WDFY4: variants seen among roughly 807,000 people sequenced by gnomAD.
WDFY4 encodes the protein WD repeat- and FYVE domain-containing protein 4.
A neutral mutation model predicts 351.9 loss-of-function variants in WDFY4; 169 were observed. The ratio of observed to expected loss-of-function variants is 0.48; its 90% CI spans 0.42 to 0.55. The LOEUF is 0.55. Among genes scored for constraint, WDFY4 ranks in the 20% least tolerant of loss-of-function variants. WDFY4 has a pLI of 0.00. For synonymous variants in WDFY4, 1,622 were observed against 1,574.6 expected (o/e 1.03, Z -0.71); for missense variants, 3,803 against 3,935.6 (o/e 0.97, Z 0.90).
chr10:48,790,594 AG>A (rs2066645114), intron 22 of WDFY4, 132 bp from the exon 23 acceptor site: 2 of 978,398 alleles, frequency 2.0e-6, no homozygotes, highest in East Asian at 5.2e-5. Flanking sequence ...AGCCTGTCCC[AG>A]GTGCACAGGT....
chr10:48,804,910 G>A (rs971694761), intron 25 of WDFY4: 1 of 427,814 alleles, frequency 2.3e-6, no homozygotes, highest in Non-Finnish European at 3.1e-6. Context: ...ACTCCTGGCT[G>A]GTGGGAAGTA....
chr10:48,805,520 A>G, intron 26 of WDFY4, 99 bp downstream of exon 26: 2 of 1,428,926 alleles, frequency 1.4e-6, no homozygotes, highest in Non-Finnish European at 9.2e-7. Context: ...TCAACCCTGA[A>G]TCACTTGGAA....
chr10:48,772,550 T>C (rs976037666), intron 13 of WDFY4, among the ~76,000 whole-genome samples: 6 of 148,282 alleles, frequency 4.0e-5, no homozygotes, highest in African/African-American at 1.5e-4. Flanking sequence ...TTTCTTTTTT[T>C]TTTTTTTTAT....
intron 51 of WDFY4, among the ~76,000 whole-genome samples, chr10:48,955,767 T>C (rs1021451369): frequency 6.6e-6 from 1 of 152,146 alleles, no homozygotes; most frequent in Non-Finnish European, 1.5e-5. Context: ...CACCCACCCC[T>C]GCAGCTGCCC....
rs562698549 is a variant in WDFY4, at chr10:48,753,481, T to C, written c.2460-6866T>C. Among the ~76,000 whole-genome samples the C allele has an allele frequency of 1.3e-3, 201 of 152,354 alleles. 1 individual carries two copies. The highest frequency in any genetic ancestry group is 4.7e-3 in the African/African-American group (194 of 41,588). ...AAAGATTTACCACTGTGTTTTCTCC[T>C]AAAAATTTTGTTTTGGCTCTTATTG... On this transcript the variant is annotated intron_variant, in intron 12 of 61. Transcript: ENST00000325239.
chr10:48,696,249 G>A (rs1000157674), intron 1 of WDFY4, among the ~76,000 whole-genome samples: 2 of 152,238 alleles, frequency 1.3e-5, no homozygotes, highest in African/African-American at 2.4e-5. Flanking sequence ...TGGAGTTATC[G>A]TGAGTCCAGC....
At chr10:48,898,925 C>T (rs761850587) in intron 45 of WDFY4, among the ~76,000 whole-genome samples, 86 of 152,104 alleles carry the variant, frequency 5.7e-4, no homozygotes, top group Non-Finnish European at 1.8e-4. Flanking sequence ...CTTCAGTGAG[C>T]GGGAGGCCGT....
At chr10:48,814,241 G>T (rs1259901641) in intron 31 of WDFY4, among the ~76,000 whole-genome samples, 159 bp downstream of exon 31, 1 of 152,252 alleles carries the variant, frequency 6.6e-6, no homozygotes, top group Non-Finnish European at 1.5e-5. Flanking sequence ...TGACTCAGGG[G>T]CACAACTGGA....
intron 13 of WDFY4, among the ~76,000 whole-genome samples, chr10:48,769,720 G>A (rs990525704): frequency 5.3e-5 from 8 of 152,308 alleles, no homozygotes; most frequent in Admixed American, 1.3e-4. Flanking sequence ...AGGACCCAGC[G>A]CTCGCTGGGC....
intron 48 of WDFY4, 55 bp from the exon 49 acceptor site, chr10:48,943,275 C>T (rs1158633768): frequency 6.5e-7 from 1 of 1,540,570 alleles, no homozygotes; most frequent in Non-Finnish European, 8.8e-7. Flanking sequence ...GGACCCATGG[C>T]TTTGCAGGAG....
At position 48,912,811 on chromosome 10, in the gene WDFY4, T is replaced by C. The variant is rs78223443; in HGVS notation, c.7586+10948T>C. On this transcript the variant is annotated intron_variant, in intron 47 of 61. Coordinates refer to ENST00000325239, the MANE Select transcript of WDFY4 (RefSeq NM_001394531.1). ...AGCTCATAGAGCAAGTTATGCAAGC[T>C]CAGTTCAGAGAGAAAACATTGCTTT... Among the ~76,000 whole-genome samples, 1,130 of 152,316 alleles carry C rather than the reference T, an allele frequency of 7.4e-3. 21 individuals carry two copies. Among genetic ancestry groups the C allele is most frequent in the African/African-American group, 0.026 (1,085 of 41,562 alleles).
chr10:48,686,775 T>C (rs1289949309), intron 1 of WDFY4, among the ~76,000 whole-genome samples: 1 of 152,246 alleles, frequency 6.6e-6, no homozygotes, highest in African/African-American at 2.4e-5. Flanking sequence ...GCATTTTAGG[T>C]ATTTCAAGAG....
intron 2 of WDFY4, among the ~76,000 whole-genome samples, chr10:48,718,401 T>C (rs2063974766): frequency 6.6e-6 from 1 of 152,218 alleles, no homozygotes; most frequent in Non-Finnish European, 1.5e-5. Flanking sequence ...AAGACACACA[T>C]TAAAAATGTT....
intron 39 of WDFY4, among the ~76,000 whole-genome samples, chr10:48,843,410 A>T (rs2068673922): frequency 6.6e-6 from 1 of 152,226 alleles, no homozygotes; most frequent in South Asian, 2.1e-4. Context: ...TCAACAATAC[A>T]TGGAGTATTG....
rs1589485705 is a variant in WDFY4 at position 48,735,748 on chromosome 10, A to T, written c.1688-132A>T. ...GGTATGGGTTACCAAAAAATCTACCAGTGAGCAAAAGAGAAACAAAAAATA... is the reference window on the plus strand; with the variant it reads ...GGTATGGGTTACCAAAAAATCTACCTGTGAGCAAAAGAGAAACAAAAAATA... On this transcript the variant is annotated intron_variant, in intron 10 of 61. Transcript: ENST00000325239. 4.5e-6 allele frequency: 4 copies of T among 891,490 alleles called. No homozygotes were observed. The East Asian group carries it at 1.1e-4, about 24-fold the overall frequency. 55.2% of individuals were successfully genotyped at this position (891,490 alleles called of 1,614,324 possible).
chr10:48,959,612 C>T (rs766352137), intron 52 of WDFY4, 110 bp from the exon 53 acceptor site: 10 of 954,538 alleles, frequency 1.0e-5, no homozygotes, highest in African/African-American at 1.6e-5. Flanking sequence ...ACATAACTCA[C>T]GTTCAGACCT....
chr10:48,734,099 T>C (rs1193841687), intron 10 of WDFY4, 64 bp downstream of exon 10: 3 of 1,412,744 alleles, frequency 2.1e-6, no homozygotes, highest in African/African-American at 2.8e-5. Context: ...TCCTGGTTAT[T>C]TATGGCAGTG....
At chr10:48,763,168 G>A (rs1288385500) in intron 13 of WDFY4, among the ~76,000 whole-genome samples, 1 of 152,184 alleles carries the variant, frequency 6.6e-6, no homozygotes, top group Non-Finnish European at 1.5e-5. Flanking sequence ...TCTGTGCCAG[G>A]AATGCTATTT....
At chr10:48,696,427 A>G (rs1327127755) in intron 1 of WDFY4, among the ~76,000 whole-genome samples, 1 of 152,216 alleles carries the variant, frequency 6.6e-6, no homozygotes, top group Admixed American at 6.5e-5. Context: ...TTGGTCTTGG[A>G]GGCAGCCCTC....
Sources: gnomAD v4.1 joint callset for allele counts (sites outside exome capture counted in the v4.1 genomes callset) on GRCh38, gnomAD v4.1.1 for gene constraint, MANE v1.5 for transcripts, NCBI Gene and HGNC (gene_info 2026-07-23, HGNC 2026-07-21) for gene names.